Variants in PLCZ1 observed in about 807,000 individuals in gnomAD.
PLCZ1 encodes 1-phosphatidylinositol 4,5-bisphosphate phosphodiesterase zeta-1.
PLCZ1 carries 64 observed loss-of-function variants against 76.8 expected under a neutral mutation model. That is an observed-to-expected ratio of 0.83 (90% CI 0.68 to 1.03). The LOEUF is 1.03. Among genes scored for constraint, PLCZ1 ranks in the 50% least tolerant of loss-of-function variants. The pLI, the probability that PLCZ1 is intolerant of heterozygous loss-of-function variation, is 0.00. For synonymous variants in PLCZ1, 248 were observed against 230.8 expected (o/e 1.07, Z -0.68); for missense variants, 751 against 713.7 (o/e 1.05, Z -0.60).
intron 10 of PLCZ1, among the ~76,000 whole-genome samples, chr12:18,697,937 T>C (rs1955311431): frequency 6.6e-6 from 1 of 152,116 alleles, no homozygotes; most frequent in Non-Finnish European, 1.5e-5. Context: ...GAAATGGTAA[T>C]GTTATACTTT....
the PLCZ1 span, among the ~76,000 whole-genome samples, chr12:18,676,398 T>C: frequency 2.6e-5 from 4 of 152,216 alleles, no homozygotes; most frequent in African/African-American, 9.6e-5. Flanking sequence ...GATGTCCCTT[T>C]AGCAAACTGA....
chr12:18,704,592 G>T (rs558291852), intron 7 of PLCZ1, among the ~76,000 whole-genome samples: 60 of 152,208 alleles, frequency 3.9e-4, no homozygotes, highest in Middle Eastern at 6.8e-3. Context: ...CTCCCAAGGT[G>T]CTGGGATTAC....
Position 18,712,964 on chromosome 12 carries a change from A to G in PLCZ1, c.592T>C (p.Cys198Arg). Residue 198 changes from cysteine to arginine, a missense_variant, in exon 6 of 15, where the codon TGT (cysteine) becomes CGT (arginine). Coordinates refer to ENST00000266505, the MANE Select transcript of PLCZ1 (RefSeq NM_033123.4). ...CCATCCCAGCAGTCAATCTCCAAAC[A>G]ACGGCATCCTTTCACAAGGGCACTA... ...YVSALVKGCR[C>R]LEIDCWDGAQ... The G allele has an allele frequency of 6.2e-7, 1 of 1,613,960 alleles. No individual in the cohort carries two copies. Among genetic ancestry groups the G allele is most frequent in the East Asian group, 2.2e-5 (1 of 44,860 alleles).
intron 12 of PLCZ1, among the ~76,000 whole-genome samples, chr12:18,689,144 T>C (rs1463072450): frequency 1.3e-5 from 2 of 152,016 alleles, no homozygotes; most frequent in African/African-American, 4.8e-5. Flanking sequence ...TCAAAGTAAC[T>C]AGAAAGAACA....
intron 4 of PLCZ1, among the ~76,000 whole-genome samples, chr12:18,720,862 TA>T (rs1958399470): frequency 6.6e-6 from 1 of 152,022 alleles, no homozygotes; most frequent in Non-Finnish European, 1.5e-5. Flanking sequence ...AAGCAGCCAT[TA>T]AGAATAATGT....
At chr12:18,695,919 G>A (rs1337481024) in intron 11 of PLCZ1, among the ~76,000 whole-genome samples, 3 of 151,658 alleles carry the variant, frequency 2.0e-5, no homozygotes, top group South Asian at 2.1e-4. Flanking sequence ...TTAACTCCTC[G>A]TGAATTTAAC....
At chr12:18,646,305 GAGCA>G in the PLCZ1 span, among the ~76,000 whole-genome samples, 1 of 152,158 alleles carries the variant, frequency 6.6e-6, no homozygotes, top group Non-Finnish European at 1.5e-5. Flanking sequence ...CATTGTGAAT[GAGCA>G]ACACCAGAAA....
chr12:18,701,031 T>A (rs1030163015), intron 9 of PLCZ1, among the ~76,000 whole-genome samples: 1 of 151,692 alleles, frequency 6.6e-6, no homozygotes, highest in African/African-American at 2.4e-5. Context: ...GTTGCCCAGG[T>A]TGGAGTGCAA....
intron 4 of PLCZ1, among the ~76,000 whole-genome samples, chr12:18,719,871 G>A (rs1041721747): frequency 6.6e-6 from 1 of 151,384 alleles, no homozygotes; most frequent in Admixed American, 6.6e-5. Context: ...CTTTTTTTAT[G>A]TTTTGAAAAT....
intron 10 of PLCZ1, among the ~76,000 whole-genome samples, chr12:18,699,162 T>TG (rs1457328115): frequency 6.6e-6 from 1 of 152,170 alleles, no homozygotes; most frequent in Non-Finnish European, 1.5e-5. Flanking sequence ...AGGTGTGCAG[T>TG]GGGGCATGCA....
intron 14 of PLCZ1, 46 bp downstream of exon 14, chr12:18,684,084 T>G: frequency 6.3e-7 from 1 of 1,599,190 alleles, no homozygotes; most frequent in Non-Finnish European, 8.5e-7. Context: ...TATACACAAG[T>G]TATATTTAAA....
intron 12 of PLCZ1, chr12:18,693,314 C>T (rs547900775): frequency 6.5e-7 from 1 of 1,539,886 alleles, no homozygotes; most frequent in African/African-American, 1.4e-5. Context: ...TGGAAAAGGC[C>T]CCCCAAGAGA....
At chr12:18,673,216 G>T in the PLCZ1 span, among the ~76,000 whole-genome samples, 1 of 151,986 alleles carries the variant, frequency 6.6e-6, no homozygotes, top group East Asian at 1.9e-4. Context: ...TACAGGAAAA[G>T]ATCCTTTTAA....
downstream of PLCZ1, among the ~76,000 whole-genome samples, chr12:18,680,683 C>T (rs1258086138): frequency 6.6e-6 from 1 of 152,046 alleles, no homozygotes; most frequent in Non-Finnish European, 1.5e-5. Context: ...CAGCCAAAGA[C>T]AACCAGGAAC....
At chr12:18,646,799 C>A in the PLCZ1 span, among the ~76,000 whole-genome samples, 1 of 152,030 alleles carries the variant, frequency 6.6e-6, no homozygotes, top group Non-Finnish European at 1.5e-5. Flanking sequence ...TGATAAATAA[C>A]TAATTTCTTA....
chr12:18,648,642 T>A, the PLCZ1 span, among the ~76,000 whole-genome samples: 1 of 152,094 alleles, frequency 6.6e-6, no homozygotes, highest in African/African-American at 2.4e-5. Flanking sequence ...TGTCACTGGA[T>A]TTCTGCCACC....
At chr12:18,688,651 G>A (rs182063925) in intron 12 of PLCZ1, among the ~76,000 whole-genome samples, 20 of 151,868 alleles carry the variant, frequency 1.3e-4, no homozygotes, top group African/African-American at 4.6e-4. Flanking sequence ...CATTTTCTGA[G>A]TTTCACAAAA....
the PLCZ1 span, among the ~76,000 whole-genome samples, chr12:18,677,339 G>A: frequency 3.9e-5 from 6 of 152,104 alleles, no homozygotes; most frequent in Non-Finnish European, 5.9e-5. Flanking sequence ...AATCAGCACC[G>A]TGCAATCAAA....
At chr12:18,661,346 AT>A in the PLCZ1 span, among the ~76,000 whole-genome samples, 1 of 147,828 alleles carries the variant, frequency 6.8e-6, no homozygotes, top group Non-Finnish European at 1.5e-5. Flanking sequence ...GTACCAAGAC[AT>A]TATAATCCTA....
Sources: gnomAD v4.1 joint callset for allele counts (sites outside exome capture counted in the v4.1 genomes callset) on GRCh38, gnomAD v4.1.1 for gene constraint, MANE v1.5 for transcripts, NCBI Gene and HGNC (gene_info 2026-07-23, HGNC 2026-07-21) for gene names.